The following DIAPH2 variants were observed in gnomAD, a reference collection of about 807,000 sequenced individuals.
DIAPH2 encodes the protein protein diaphanous homolog 2.
Under a neutral mutation model 92.7 loss-of-function variants are expected in DIAPH2, and 35 were observed. That is an observed-to-expected ratio of 0.38 (90% confidence interval 0.29 to 0.50). The LOEUF is 0.50. Ranked by LOEUF, DIAPH2 falls within the 20% of genes least tolerant of loss-of-function variation. The pLI, the probability that DIAPH2 is intolerant of heterozygous loss-of-function variation, is 0.94. For missense variants in DIAPH2, 701 were observed against 819.5 expected, an observed-to-expected ratio of 0.86 and a Z score of 1.77; for synonymous variants, 301 against 280.4, an observed-to-expected ratio of 1.07 and a Z score of -0.73.
intron 26 of DIAPH2, among the ~76,000 whole-genome samples, chrX:97,566,450 C>G (rs1403362309): frequency 9.0e-6 from 1 of 111,687 alleles, no homozygotes; most frequent in Non-Finnish European, 1.9e-5. Context: ...ATATCCAATT[C>G]CAGAACAATG....
intron 22 of DIAPH2, among the ~76,000 whole-genome samples, chrX:97,216,004 G>C (rs751228985): frequency 1.8e-5 from 2 of 112,177 alleles, no homozygotes; most frequent in East Asian, 5.6e-4. Context: ...GATAATGTCA[G>C]AGACTTATTC....
chrX:97,450,819 G>C (rs911830575), intron 26 of DIAPH2, among the ~76,000 whole-genome samples: 20 of 109,613 alleles, frequency 1.8e-4, no homozygotes, highest in African/African-American at 6.0e-4. Flanking sequence ...CCTTCATTAA[G>C]ATGTACTGTC....
chrX:97,356,625 C>G (rs191617526), intron 24 of DIAPH2, among the ~76,000 whole-genome samples: 231 of 111,727 alleles, frequency 2.1e-3, no homozygotes, highest in African/African-American at 7.3e-3. Context: ...TGTCACCTAT[C>G]AAATGTTGTA....
rs2070606150 is a variant in DIAPH2 at position 97,476,677 on chromosome X, T to G, written c.3241+46932T>G. 2.7e-5 allele frequency among the ~76,000 whole-genome samples: 3 copies of G among 109,463 alleles called. No homozygotes were observed. The South Asian group carries it at 1.2e-3, about 43-fold the overall frequency. On this transcript the variant is annotated intron_variant, in intron 26 of 26. Transcript: ENST00000324765. ...GTAATACTGCTTTAAAAAATATACA[T>G]GGCCGGGCGCCGTGGCTCATGCCTG...
chrX:96,826,373 C>T (rs2064816033), intron 4 of DIAPH2, among the ~76,000 whole-genome samples: 1 of 109,472 alleles, frequency 9.1e-6, no homozygotes, highest in African/African-American at 3.3e-5. Flanking sequence ...TCTGAGATCA[C>T]GCCACTGCAT....
chrX:97,169,237 C>T (rs1294151301), intron 22 of DIAPH2, among the ~76,000 whole-genome samples: 1 of 111,558 alleles, frequency 9.0e-6, no homozygotes, highest in South Asian at 3.8e-4. Context: ...GGATGAAGTC[C>T]AGATAACTAG....
chrX:96,960,911 CAT>C (rs1184810592), intron 16 of DIAPH2, among the ~76,000 whole-genome samples: 3 of 111,793 alleles, frequency 2.7e-5, no homozygotes, highest in African/African-American at 9.7e-5. Context: ...TATTGAATGG[CAT>C]ATGTTAAACA....
intron 4 of DIAPH2, among the ~76,000 whole-genome samples, chrX:96,793,372 C>G (rs749237875): frequency 8.9e-6 from 1 of 112,276 alleles, no homozygotes; most frequent in South Asian, 3.7e-4. Context: ...TTTCGCCATG[C>G]TGGCCAGCGT....
At chrX:97,087,458 GT>G (rs1446087288) in intron 19 of DIAPH2, among the ~76,000 whole-genome samples, 5 of 111,505 alleles carry the variant, frequency 4.5e-5, no homozygotes, top group African/African-American at 1.6e-4. Flanking sequence ...TCTCTTTGGA[GT>G]TTCTACTCTT....
intron 22 of DIAPH2, among the ~76,000 whole-genome samples, chrX:97,194,105 G>A (rs942056172): frequency 3.6e-5 from 4 of 110,503 alleles, no homozygotes; most frequent in African/African-American, 6.6e-5. Context: ...CTAATAAGTC[G>A]CAGAGTCAGA....
chrX:97,258,923 C>G (rs185841696), intron 23 of DIAPH2, among the ~76,000 whole-genome samples: 27 of 96,490 alleles, frequency 2.8e-4, no homozygotes, highest in Non-Finnish European at 5.0e-4. Flanking sequence ...CAAAACAAAA[C>G]AAAGAAAGAA....
chrX:96,870,874 T>C (rs2065137021), intron 4 of DIAPH2, among the ~76,000 whole-genome samples: 1 of 112,256 alleles, frequency 8.9e-6, no homozygotes, highest in African/African-American at 3.2e-5. Context: ...GGCTGTAGGA[T>C]ACATTTATAA....
chrX:96,791,862 C>T (rs780341003), intron 4 of DIAPH2, among the ~76,000 whole-genome samples: 30 of 110,540 alleles, frequency 2.7e-4, no homozygotes, highest in Non-Finnish European at 4.5e-4. Context: ...ATTTTTATCT[C>T]CAGTTTAGGA....
intron 23 of DIAPH2, among the ~76,000 whole-genome samples, chrX:97,347,638 A>G (rs1377259668): frequency 9.0e-6 from 1 of 111,215 alleles, no homozygotes; most frequent in Non-Finnish European, 1.9e-5. Context: ...TCACTAACCA[A>G]TATAATGACT....
intron 24 of DIAPH2, among the ~76,000 whole-genome samples, chrX:97,359,466 G>A (rs764122497): frequency 4.3e-4 from 45 of 105,738 alleles, no homozygotes; most frequent in African/African-American, 1.5e-3. Context: ...GTGCGTGTGT[G>A]TATTTTTTTC....
At chrX:97,348,972 A>T (rs2069182735) in intron 24 of DIAPH2, among the ~76,000 whole-genome samples, 2 of 108,945 alleles carry the variant, frequency 1.8e-5, no homozygotes, top group Admixed American at 9.9e-5. Context: ...AGTTGATATC[A>T]AACAGGTAAA....
chrX:97,488,617 T>G (rs1215184430), intron 26 of DIAPH2, among the ~76,000 whole-genome samples: 1 of 111,810 alleles, frequency 8.9e-6, no homozygotes, highest in African/African-American at 3.2e-5. Flanking sequence ...TTTTAGTTGA[T>G]TTTTATATAT....
At chrX:97,424,949 G>T (rs2070046883) in intron 25 of DIAPH2, among the ~76,000 whole-genome samples, 1 of 111,405 alleles carries the variant, frequency 9.0e-6, no homozygotes, top group African/African-American at 3.3e-5. Context: ...TGTCATATTT[G>T]TTTTTCCATC....
rs1178306090 is a variant in DIAPH2 at position 97,185,488 on chromosome X, T to C, written c.2719+43694T>C. Among the ~76,000 whole-genome samples, 21 of 37,552 alleles carry C rather than the reference T, an allele frequency of 5.6e-4. 1 individual carries two copies. Among genetic ancestry groups the C allele is most frequent in the East Asian group, 9.7e-4 (1 of 1,035 alleles). The allele number at this position is 37,552 out of a possible 115,157, so 32.6% of individuals were successfully genotyped here. ...ATATATATACACATATATATATATATATATATATATATATATATATATATA... is the reference window on the plus strand; with the variant it reads ...ATATATATACACATATATATATATACATATATATATATATATATATATATA... On this transcript the variant is annotated intron_variant, in intron 22 of 26. Coordinates refer to ENST00000324765, the MANE Select transcript of DIAPH2 (RefSeq NM_006729.5).
Sources: allele counts gnomAD v4.1 joint callset (sites outside exome capture counted in the v4.1 genomes callset), GRCh38; gene constraint gnomAD v4.1.1; transcripts MANE v1.5; gene names NCBI Gene and HGNC (gene_info 2026-07-23, HGNC 2026-07-21).